SEMA5A: variants seen among roughly 807,000 people sequenced by gnomAD.
SEMA5A encodes the protein semaphorin-5A.
Under a neutral mutation model 135.5 loss-of-function variants are expected in SEMA5A, and 55 were observed. The observed-to-expected ratio is 0.41, with a 90% CI of 0.33 to 0.51. SEMA5A has a LOEUF of 0.51. SEMA5A is among the 20% of genes least tolerant of loss of function. The probability of loss-of-function intolerance (pLI) is 0.37; values close to 1 mark genes in which losing one functional copy is unlikely to be tolerated. For synonymous variants in SEMA5A, 580 were observed against 546.5 expected, an observed-to-expected ratio of 1.06 and a Z score of -0.85; for missense variants, 1,290 against 1,419.9, an observed-to-expected ratio of 0.91 and a Z score of 1.47.
At chr5:9,342,254 TGGAA>T (rs1250709913) in intron 3 of SEMA5A, among the ~76,000 whole-genome samples, 18 of 152,216 alleles carry the variant, frequency 1.2e-4, no homozygotes, top group Non-Finnish European at 5.9e-5. Flanking sequence ...GCAGCTCTTG[TGGAA>T]GACATGACAG....
chr5:9,508,297 G>A (rs1326149151), intron 1 of SEMA5A, among the ~76,000 whole-genome samples: 1 of 151,988 alleles, frequency 6.6e-6, no homozygotes, highest in African/African-American at 2.4e-5. Flanking sequence ...CACCACCACC[G>A]CATCCAGTAG....
At chr5:9,401,931 C>G (rs902329890) in intron 2 of SEMA5A, among the ~76,000 whole-genome samples, 1 of 152,152 alleles carries the variant, frequency 6.6e-6, no homozygotes, top group Admixed American at 6.5e-5. Flanking sequence ...TTGTACCAGT[C>G]GAATAAGGCC....
intron 11 of SEMA5A, among the ~76,000 whole-genome samples, chr5:9,175,378 A>G (rs1317767841): frequency 6.6e-6 from 1 of 152,106 alleles, no homozygotes; most frequent in Admixed American, 6.5e-5. Flanking sequence ...CCAGTTAGGA[A>G]ATGAACACCC....
At chr5:9,200,468 T>C (rs537891722) in intron 9 of SEMA5A, among the ~76,000 whole-genome samples, 7 of 152,332 alleles carry the variant, frequency 4.6e-5, no homozygotes, top group African/African-American at 1.7e-4. Context: ...ACATTTATCT[T>C]GGGTGTGACT....
chr5:9,326,484 C>T (rs10055401), intron 4 of SEMA5A, among the ~76,000 whole-genome samples: 20,832 of 151,926 alleles, frequency 0.14, 1,507 homozygotes, highest in South Asian at 0.19. Flanking sequence ...GAACTCCTGA[C>T]CTCAGGTGAT....
At chr5:9,196,632 A>G (rs755236370) in intron 10 of SEMA5A, among the ~76,000 whole-genome samples, 61 of 152,140 alleles carry the variant, frequency 4.0e-4, no homozygotes, top group Non-Finnish European at 7.3e-4. Context: ...ATGACTCACA[A>G]AGCCCTGGAA....
At chr5:9,429,310 C>T (rs527748352) in intron 2 of SEMA5A, among the ~76,000 whole-genome samples, 2 of 152,192 alleles carry the variant, frequency 1.3e-5, no homozygotes, top group Admixed American at 6.5e-5. Context: ...ATTACTCATG[C>T]GATTCAGAAA....
intron 5 of SEMA5A, among the ~76,000 whole-genome samples, chr5:9,275,130 T>A (rs916456356): frequency 1.3e-5 from 2 of 151,838 alleles, no homozygotes; most frequent in Non-Finnish European, 2.9e-5. Flanking sequence ...GTAGATGCAA[T>A]AAAAAATGAT....
At chr5:9,091,117 C>G (rs1448701119) in intron 16 of SEMA5A, among the ~76,000 whole-genome samples, 1 of 152,288 alleles carries the variant, frequency 6.6e-6, no homozygotes, top group East Asian at 1.9e-4. Flanking sequence ...CACCCCTACT[C>G]AGAGGCCTCT....
intron 10 of SEMA5A, among the ~76,000 whole-genome samples, chr5:9,194,089 C>T (rs1745258788): frequency 6.6e-6 from 1 of 152,124 alleles, no homozygotes. Flanking sequence ...ATTCTGGAGT[C>T]TGTCACAGCT....
At chr5:9,166,292 T>C (rs1022553773) in intron 11 of SEMA5A, among the ~76,000 whole-genome samples, 5 of 152,090 alleles carry the variant, frequency 3.3e-5, no homozygotes, top group Admixed American at 6.6e-5. Context: ...ATGTTCATTG[T>C]GTGGCCTCTG....
intron 8 of SEMA5A, among the ~76,000 whole-genome samples, chr5:9,207,664 T>G (rs1276266541): frequency 6.6e-6 from 1 of 152,202 alleles, no homozygotes; most frequent in Non-Finnish European, 1.5e-5. Context: ...ATTGGGTACA[T>G]TGTTTCCATT....
At chr5:9,052,444 A>G (rs1736636872) in intron 19 of SEMA5A, among the ~76,000 whole-genome samples, 2 of 152,148 alleles carry the variant, frequency 1.3e-5, no homozygotes, top group South Asian at 4.1e-4. Flanking sequence ...TTCCTGAAAC[A>G]TTCCTGAAAA....
At chr5:9,481,780 G>A in intron 1 of SEMA5A, among the ~76,000 whole-genome samples, 1 of 152,110 alleles carries the variant, frequency 6.6e-6, no homozygotes, top group East Asian at 1.9e-4. Context: ...TCACAGAAAG[G>A]CCACTGACAA....
At chr5:9,158,189 C>T (rs747967300) in intron 11 of SEMA5A, among the ~76,000 whole-genome samples, 59 of 152,084 alleles carry the variant, frequency 3.9e-4, no homozygotes, top group Non-Finnish European at 2.1e-4. Flanking sequence ...TGCTAAAGAG[C>T]GCTGATTAAT....
chr5:9,348,189 T>A (rs1753960662), intron 3 of SEMA5A, among the ~76,000 whole-genome samples: 1 of 152,198 alleles, frequency 6.6e-6, no homozygotes, highest in South Asian at 2.1e-4. Context: ...TAGAGTTGCC[T>A]TCCCTTTTGT....
chr5:9,303,275 C>T (rs760799113), intron 5 of SEMA5A, among the ~76,000 whole-genome samples: 61 of 152,054 alleles, frequency 4.0e-4, no homozygotes, highest in South Asian at 4.1e-4. Context: ...CACCACCATG[C>T]CCGGCTAATT....
intron 15 of SEMA5A, among the ~76,000 whole-genome samples, chr5:9,116,471 CA>C (rs1224315409): frequency 1.3e-5 from 2 of 151,968 alleles, no homozygotes; most frequent in Non-Finnish European, 2.9e-5. Context: ...TTTTAAAGTA[CA>C]TGTAAAAATT....
intron 3 of SEMA5A, 146 bp from the exon 4 acceptor site, chr5:9,337,958 G>A (rs1753470288): frequency 1.7e-6 from 1 of 573,764 alleles, no homozygotes; most frequent in South Asian, 2.5e-5. Context: ...GGCCACTGGA[G>A]GTTTCCCTCA....
Sources: gnomAD v4.1 joint callset for allele counts (sites outside exome capture counted in the v4.1 genomes callset) on GRCh38, gnomAD v4.1.1 for gene constraint, MANE v1.5 for transcripts, NCBI Gene and HGNC (gene_info 2026-07-23, HGNC 2026-07-21) for gene names.